TTI2: variants seen among roughly 807,000 people sequenced by gnomAD.
TTI2 encodes TELO2-interacting protein 2.
TTI2 carries 26 observed loss-of-function variants against 44.9 expected under a neutral mutation model. That is an observed-to-expected ratio of 0.58 (90% confidence interval 0.42 to 0.80). TTI2 has a LOEUF of 0.80. Ranked by LOEUF, TTI2 falls within the 30% of genes least tolerant of loss-of-function variation. TTI2 has a pLI of 0.00. For missense variants in TTI2, 582 were observed against 611.6 expected (o/e 0.95, Z 0.51); for synonymous variants, 254 against 250.9 (o/e 1.01, Z -0.12).
intron 2 of TTI2, among the ~76,000 whole-genome samples, chr8:33,510,317 G>A (rs375001723): frequency 4.1e-4 from 63 of 152,234 alleles, no homozygotes; most frequent in African/African-American, 1.5e-3. Context: ...CCTGTTAATC[G>A]CTAATAAAGT....
intron 2 of TTI2, among the ~76,000 whole-genome samples, chr8:33,510,462 C>T (rs578228333): frequency 6.6e-6 from 1 of 152,164 alleles, no homozygotes; most frequent in African/African-American, 2.4e-5. Flanking sequence ...CTGCAACCTC[C>T]GCCTCCCAGG....
intron 6 of TTI2, among the ~76,000 whole-genome samples, chr8:33,501,611 CG>C (rs1187983833): frequency 3.3e-5 from 5 of 152,126 alleles, no homozygotes; most frequent in Admixed American, 3.3e-4. Flanking sequence ...TGTGGTTTTC[CG>C]TTATCCTGGA....
At chr8:33,500,090 C>G (rs1398600045) in intron 7 of TTI2, 1 of 466,666 alleles carries the variant, frequency 2.1e-6, no homozygotes, top group Non-Finnish European at 3.9e-6. Flanking sequence ...CGTCCTTAGC[C>G]CCAGTGACAT....
chr8:33,509,482 A>G (rs1208123539), intron 3 of TTI2, among the ~76,000 whole-genome samples: 1 of 150,694 alleles, frequency 6.6e-6, no homozygotes, highest in African/African-American at 2.4e-5. Flanking sequence ...AAAAAGAAAG[A>G]AAGAAAATCA....
At chr8:33,499,401 G>A (rs1808979962) in intron 7 of TTI2, 124 bp from the exon 8 acceptor site, 2 of 727,514 alleles carry the variant, frequency 2.7e-6, no homozygotes, top group South Asian at 3.2e-5. Flanking sequence ...CTTAGGGACA[G>A]GTCACTAAGC....
chr8:33,508,602 A>C (rs921948624), intron 3 of TTI2, among the ~76,000 whole-genome samples: 5 of 138,952 alleles, frequency 3.6e-5, no homozygotes, highest in Non-Finnish European at 4.6e-5. Flanking sequence ...TAAGCGACAG[A>C]GCAAGACTCT....
chr8:33,500,022 T>A, intron 7 of TTI2: 1 of 224,484 alleles, frequency 4.5e-6, no homozygotes, highest in Non-Finnish European at 8.8e-6. Flanking sequence ...TTCAGAAGAC[T>A]AGAACAGAAC....
Position 33,510,013 on chromosome 8 carries a change from A to G in TTI2, c.648-81T>C, listed in dbSNP as rs552313221. The stretch of plus-strand genomic sequence containing the variant: ...AAAAAAAAAAAACTACTTCAAGCTA[A>G]ACAGAGTATTTTCATGTCTTTGAAA... On this transcript the variant is annotated intron_variant, in intron 2 of 7. Transcript: ENST00000431156. 1.9e-5 allele frequency: 22 copies of G among 1,149,822 alleles called. No individual in the cohort carries two copies. In the East Asian group the frequency reaches 2.8e-4, roughly 14 times the overall value. The allele number at this position is 1,149,822 out of a possible 1,614,324, so 71.2% of individuals were successfully genotyped here.
rs1166930205 is a variant in TTI2 at position 33,512,388 on chromosome 8, G to A, written c.226C>T (p.Arg76Cys). The A allele has an allele frequency of 1.2e-6, 2 of 1,614,024 alleles. No homozygotes were observed. Among genetic ancestry groups the A allele is most frequent in the East Asian group, 2.2e-5 (1 of 44,894 alleles). The stretch of plus-strand genomic sequence containing the variant: ...TGCCCCAGTGTCTCCGGCATTCCGC[G>A]GAGCCGTGCACCAGTCCCCTCAAAT... ...RLFEGTGARL[R>C]GMPETLGQVA... Residue 76 changes from arginine to cysteine, a missense_variant, in exon 2 of 8, where the codon CGC (arginine) becomes TGC (cysteine). Coordinates refer to ENST00000431156, the MANE Select transcript of TTI2 (RefSeq NM_001102401.4).
intron 3 of TTI2, among the ~76,000 whole-genome samples, chr8:33,509,402 G>A (rs1338668193): frequency 1.4e-5 from 2 of 144,244 alleles, no homozygotes; most frequent in Non-Finnish European, 3.0e-5. Context: ...GTTGCAGTGG[G>A]ACAAGATCAC....
chr8:33,505,731 G>A (rs927095242), intron 4 of TTI2, among the ~76,000 whole-genome samples: 6 of 152,102 alleles, frequency 3.9e-5, no homozygotes, highest in African/African-American at 7.2e-5. Flanking sequence ...TTGGCTCACC[G>A]CAACCTCCGC....
intron 4 of TTI2, among the ~76,000 whole-genome samples, chr8:33,506,811 G>GTC (rs1398695561): frequency 6.6e-6 from 1 of 151,950 alleles, no homozygotes; most frequent in Non-Finnish European, 1.5e-5. Context: ...TTGTGCCTCA[G>GTC]CCTCCTGAGT....
intron 4 of TTI2, among the ~76,000 whole-genome samples, chr8:33,505,190 T>A (rs1809250671): frequency 6.6e-6 from 1 of 151,976 alleles, no homozygotes; most frequent in South Asian, 2.1e-4. Flanking sequence ...GCCACTGTAC[T>A]CCGGCCTGCA....
intron 6 of TTI2, chr8:33,501,128 A>G (rs1297837227): frequency 6.6e-6 from 1 of 152,240 alleles, no homozygotes; most frequent in Non-Finnish European, 1.5e-5. Context: ...ACACTTTAAA[A>G]TGGAAAATTT....
chr8:33,503,805 T>G lies in TTI2; in HGVS notation c.1058A>C (p.Glu353Ala). ...LRLILTHMEP[E>A]HRLLLRRTYA... ...GGTCCTGCGTAAAAGAAGGCGGTGC[T>G]CTGGCTCCATGTGGGTCAGGATCAG... The change falls in exon 5 of 8, where the codon GAG becomes GCG. Residue 353 changes from glutamate to alanine, a missense_variant. Coordinates refer to ENST00000431156, the MANE Select transcript of TTI2 (RefSeq NM_001102401.4). The G allele has an allele frequency of 6.2e-7, 1 of 1,614,130 alleles. No homozygotes were observed. The highest frequency in any genetic ancestry group is 2.2e-5 in the East Asian group (1 of 44,880).
chr8:33,505,973 C>A (rs1007150813), intron 4 of TTI2, among the ~76,000 whole-genome samples: 3 of 152,010 alleles, frequency 2.0e-5, no homozygotes, highest in African/African-American at 7.2e-5. Flanking sequence ...TTTAGTAGAA[C>A]GGGGTTTCTC....
chr8:33,501,449 T>G (rs1242270391), intron 6 of TTI2, among the ~76,000 whole-genome samples: 2 of 152,186 alleles, frequency 1.3e-5, no homozygotes, highest in African/African-American at 4.8e-5. Flanking sequence ...TCACTCTCCC[T>G]TCTTGGAATC....
intron 4 of TTI2, among the ~76,000 whole-genome samples, chr8:33,504,881 C>T (rs931420506): frequency 2.0e-5 from 3 of 152,056 alleles, no homozygotes; most frequent in Admixed American, 6.6e-5. Context: ...CCAGCCTTTC[C>T]GGCTGTTACA....
chr8:33,499,118 C>T lies in TTI2; in HGVS notation c.*55G>A. The T allele has an allele frequency of 1.5e-6, 2 of 1,375,286 alleles. No individual in the cohort carries two copies. Among genetic ancestry groups the T allele is most frequent in the Non-Finnish European group, 2.1e-6 (2 of 963,830 alleles). The allele number at this position is 1,375,286 out of a possible 1,614,324, so 85.2% of individuals were successfully genotyped here. ...TCTTTTTTTCTTAAATAACTCCATT[C>T]ATACAAATTGGGATGGGAAGAAAAT... On this transcript the variant is annotated 3_prime_UTR_variant, in exon 8 of 8. Transcript: ENST00000431156.
Sources: gnomAD v4.1 joint callset for allele counts (sites outside exome capture counted in the v4.1 genomes callset) on GRCh38, gnomAD v4.1.1 for gene constraint, MANE v1.5 for transcripts, NCBI Gene and HGNC (gene_info 2026-07-23, HGNC 2026-07-21) for gene names.